The following PDZD2 variants were observed in gnomAD, a reference collection of about 807,000 sequenced individuals.
PDZD2 encodes the protein PDZ domain containing 2, also known as PDZ domain-containing protein 2.
In PDZD2, 90 loss-of-function variants were observed where a neutral mutation model predicts 220.7. The observed-to-expected ratio is 0.41, with a 90% CI of 0.34 to 0.49. The LOEUF is 0.49. Among genes scored for constraint, PDZD2 ranks in the 20% least tolerant of loss-of-function variants. PDZD2 has a pLI of 0.28. For synonymous variants in PDZD2, 1,375 were observed against 1,450.5 expected (o/e 0.95, Z 1.18); for missense variants, 3,174 against 3,608.5 (o/e 0.88, Z 3.08).
intron 2 of PDZD2, among the ~76,000 whole-genome samples, chr5:31,975,453 C>A (rs1003971434): frequency 6.6e-6 from 1 of 152,172 alleles, no homozygotes; most frequent in African/African-American, 2.4e-5. Context: ...ATGGGAGCTA[C>A]AATTCAAGAT....
At chr5:32,015,180 G>A (rs928454172) in intron 6 of PDZD2, among the ~76,000 whole-genome samples, 1 of 151,974 alleles carries the variant, frequency 6.6e-6, no homozygotes, top group Non-Finnish European at 1.5e-5. Context: ...GACCTCAGGT[G>A]ATCTGCCCGC....
At chr5:31,749,549 G>A (rs976894909) in intron 1 of PDZD2, among the ~76,000 whole-genome samples, 18 of 151,726 alleles carry the variant, frequency 1.2e-4, no homozygotes, top group Admixed American at 2.6e-4. Flanking sequence ...TCAGCTTCCC[G>A]AGTAGCTGGG....
intron 2 of PDZD2, among the ~76,000 whole-genome samples, chr5:31,944,758 ACT>A (rs1394282169): frequency 6.6e-6 from 1 of 151,920 alleles, no homozygotes; most frequent in Non-Finnish European, 1.5e-5. Flanking sequence ...TCCCCAGGTG[ACT>A]CTCTCATGGT....
intron 1 of PDZD2, among the ~76,000 whole-genome samples, chr5:31,749,274 T>A (rs1466604364): frequency 6.6e-6 from 1 of 152,172 alleles, no homozygotes; most frequent in East Asian, 1.9e-4. Context: ...GGCCCACAGA[T>A]ACTTGTTTGT....
chr5:31,923,970 A>G (rs1744519015), intron 2 of PDZD2, among the ~76,000 whole-genome samples: 1 of 152,184 alleles, frequency 6.6e-6, no homozygotes, highest in Non-Finnish European at 1.5e-5. Flanking sequence ...GGTGGCGTTA[A>G]GATGCACCAC....
At chr5:31,909,592 T>C (rs1742992960) in intron 2 of PDZD2, among the ~76,000 whole-genome samples, 1 of 152,188 alleles carries the variant, frequency 6.6e-6, no homozygotes, top group Admixed American at 6.6e-5. Flanking sequence ...CCAACATTAA[T>C]ATACACGAAA....
chr5:32,034,666 A>G (rs1252099357), intron 6 of PDZD2, among the ~76,000 whole-genome samples: 1 of 152,124 alleles, frequency 6.6e-6, no homozygotes, highest in Non-Finnish European at 1.5e-5. Flanking sequence ...GGAACCAGGA[A>G]TTTAACTCAC....
At chr5:31,752,073 G>GT (rs3032803) in intron 1 of PDZD2, among the ~76,000 whole-genome samples, 8,067 of 95,052 alleles carry the variant, frequency 0.085, 862 homozygotes, top group East Asian at 0.42. Flanking sequence ...TTTTGGGTTT[G>GT]TTTTTTTTTT....
chr5:31,697,882 T>TTTA (rs1314078011), intron 1 of PDZD2, among the ~76,000 whole-genome samples: 6 of 143,326 alleles, frequency 4.2e-5, no homozygotes, highest in Admixed American at 1.4e-4. Flanking sequence ...TCCTTATTTC[T>TTTA]TTATTATTAT....
At chr5:32,094,675 C>T (rs544230054) in intron 21 of PDZD2, among the ~76,000 whole-genome samples, 53 of 147,220 alleles carry the variant, frequency 3.6e-4, no homozygotes, top group Non-Finnish European at 6.6e-4. Context: ...GCCTCATCAA[C>T]ATAGTGAGAC....
chr5:31,882,940 G>A (rs915283296), intron 2 of PDZD2, among the ~76,000 whole-genome samples: 29 of 139,032 alleles, frequency 2.1e-4, no homozygotes, highest in Non-Finnish European at 3.9e-4. Flanking sequence ...TGAGGCACGA[G>A]AATCGCTTGA....
Position 31,718,795 on chromosome 5 carries a change from G to T in PDZD2, c.-361+79358G>T, listed in dbSNP as rs139411902. On this transcript the variant is annotated intron_variant, in intron 1 of 24. Coordinates refer to ENST00000438447, the MANE Select transcript of PDZD2 (RefSeq NM_178140.4). The stretch of plus-strand genomic sequence containing the variant: ...GGCTCACTGCAACCTCCACCTCTTG[G>T]GTTCAAGTCATTCTCCTGTCTCAGC... Among the ~76,000 whole-genome samples, 133 of 151,110 alleles carry T rather than the reference G, an allele frequency of 8.8e-4. 2 individuals carry two copies. Among genetic ancestry groups the T allele is most frequent in the African/African-American group, 2.9e-3 (120 of 41,036 alleles).
chr5:31,810,458 G>A lies in PDZD2; in HGVS notation c.476+10734G>A, dbSNP rs532881222. Among the ~76,000 whole-genome samples the A allele has an allele frequency of 1.6e-4, 24 of 152,128 alleles. No homozygotes were observed. The South Asian group carries it at 5.0e-3, about 32-fold the overall frequency. On this transcript the variant is annotated intron_variant, in intron 2 of 24. Coordinates refer to ENST00000438447, the MANE Select transcript of PDZD2 (RefSeq NM_178140.4). ...TTTGTATATTTTTTAGTAGAGACGG[G>A]GTTTCACTGTGTTACCCAGGATGGT...
At chr5:31,708,876 GTTTTGTT>G (rs1261254471) in intron 1 of PDZD2, among the ~76,000 whole-genome samples, 58 of 148,768 alleles carry the variant, frequency 3.9e-4, no homozygotes, top group African/African-American at 6.5e-4. Flanking sequence ...CAGCAAATGT[GTTTTGTT>G]TTTTTTTTTT....
chr5:31,643,424 G>A (rs1560145), intron 1 of PDZD2, among the ~76,000 whole-genome samples: 99,146 of 152,098 alleles, frequency 0.65, 33,931 homozygotes, highest in Non-Finnish European at 0.76. Context: ...CAGTTACCAG[G>A]TGCAAGGCAG....
At chr5:31,673,526 T>C (rs1338766725) in intron 1 of PDZD2, among the ~76,000 whole-genome samples, 1 of 152,170 alleles carries the variant, frequency 6.6e-6, no homozygotes, top group Non-Finnish European at 1.5e-5. Flanking sequence ...CAGATGGGGA[T>C]TAGTTAGTGC....
At chr5:31,941,541 C>T (rs1305662955) in intron 2 of PDZD2, among the ~76,000 whole-genome samples, 1 of 152,188 alleles carries the variant, frequency 6.6e-6, no homozygotes, top group South Asian at 2.1e-4. Context: ...ATCTGTTTTA[C>T]AGGCTAGAAC....
intron 2 of PDZD2, among the ~76,000 whole-genome samples, chr5:31,981,387 T>G (rs1750287483): frequency 6.6e-6 from 1 of 152,196 alleles, no homozygotes. Context: ...GGGCCAGAAT[T>G]TAGTGCATTT....
At chr5:31,689,353 A>ATTTTTTTTTTTTTTCTTT (rs1747020457) in intron 1 of PDZD2, among the ~76,000 whole-genome samples, 1 of 35,110 alleles carries the variant, frequency 2.8e-5, no homozygotes, top group Non-Finnish European at 4.2e-5. Flanking sequence ...ATATATATAT[A>ATTTTTTTTTTTTTTCTTT]TTTTTTTTTT....
Sources: allele counts gnomAD v4.1 joint callset (sites outside exome capture counted in the v4.1 genomes callset), GRCh38; gene constraint gnomAD v4.1.1; transcripts MANE v1.5; gene names NCBI Gene and HGNC (gene_info 2026-07-23, HGNC 2026-07-21).